GUCY2D: variants seen among roughly 807,000 people sequenced by gnomAD.
GUCY2D encodes the protein retinal guanylyl cyclase 1.
GUCY2D carries 70 observed loss-of-function variants against 101.3 expected under a neutral mutation model. The observed-to-expected ratio is 0.69, with a 90% CI of 0.57 to 0.84. The LOEUF (loss-of-function observed/expected upper bound fraction) is 0.84, where lower values mean the gene tolerates loss of function less well. Ranked by LOEUF, GUCY2D falls within the 40% of genes least tolerant of loss-of-function variation. The pLI, the probability that GUCY2D is intolerant of heterozygous loss-of-function variation, is 0.00. For missense variants in GUCY2D, 1,460 were observed against 1,542.5 expected (o/e 0.95, Z 0.90); for synonymous variants, 688 against 670.7 (o/e 1.03, Z -0.40).
intron 3 of GUCY2D, among the ~76,000 whole-genome samples, chr17:8,005,354 T>C (rs944147481): frequency 3.9e-5 from 6 of 152,202 alleles, no homozygotes; most frequent in African/African-American, 1.4e-4. Context: ...TCTCACCCTG[T>C]CATGCCCCTG....
rs748509676 is a variant in GUCY2D at position 8,008,011 on chromosome 17, C to A, written c.1647C>A (p.Ser549Arg). 7 of 1,611,124 alleles carry A rather than the reference C, an allele frequency of 4.3e-6. No homozygotes were observed. Among genetic ancestry groups the A allele is most frequent in the Non-Finnish European group, 5.9e-6 (7 of 1,177,404 alleles). ...GCGGCCCCAGCCAACACTTGGACAG[C>A]CCCAACATTGGTGTCTATGAGGTGA... is the stretch of plus-strand genomic sequence containing the variant. ...IRSGPSQHLD[S>R]PNIGVYEGDR... The change falls in exon 7 of 20, where the codon AGC (serine) becomes AGA (arginine). Residue 549 changes from serine to arginine, a missense_variant. Around this residue, in one of 3 missense-constraint regions of GUCY2D, gnomAD observed 1,196 missense variants for 1,229.6 expected, o/e 0.97. Transcript: ENST00000254854.
Position 8,012,359 on chromosome 17 carries a change from C to G in GUCY2D, c.1956+9C>G. On this transcript the variant is annotated intron_variant, in intron 9 of 19. Transcript: ENST00000254854. Reference sequence around the variant, plus strand: ...TGCTGGACCTTATCAAGGTGTGTGTCTGGGGGTGGTGGGGTGACGTCCTGG... The same window carrying G: ...TGCTGGACCTTATCAAGGTGTGTGTGTGGGGGTGGTGGGGTGACGTCCTGG... The G allele has an allele frequency of 6.3e-7, 1 of 1,585,656 alleles. No individual in the cohort carries two copies. The highest frequency in any genetic ancestry group is 8.6e-7 in the Non-Finnish European group (1 of 1,158,732).
rs779286579 is a variant in GUCY2D, at chr17:8,016,196, T to G, written c.3139-9T>G. 3 of 1,569,518 alleles carry G rather than the reference T, an allele frequency of 1.9e-6. No individual in the cohort carries two copies. The highest frequency in any genetic ancestry group is 1.3e-5 in the African/African-American group (1 of 74,370). On this transcript the variant is annotated splice_polypyrimidine_tract_variant and intron_variant, in intron 17 of 19. Transcript: ENST00000254854. Reference sequence around the variant, plus strand: ...CGCCTAAGTCCTTCCCTCTCCCATGTCTCCCCAGGGCAAGGGCGCCGAGGA... The same window carrying G: ...CGCCTAAGTCCTTCCCTCTCCCATGGCTCCCCAGGGCAAGGGCGCCGAGGA...
rs1247045218 is a variant in GUCY2D at position 8,003,180 on chromosome 17, C to A, written c.133C>A (p.Leu45Met). Residue 45 changes from leucine to methionine, a missense_variant, in exon 2 of 20, where the codon CTG becomes ATG. Physicochemically the swap from Leu to Met is conservative, Grantham distance 15. Transcript: ENST00000254854. ...RLPLLLLLLL[L>M]QPPALSAVFT... is the part of the protein sequence containing the mutation. ...CCCGCTCCTGCTGCTCCTGCTTCTGCTGCAGCCCCCCGCCCTCTCCGCCGT... is the reference window on the plus strand; with the variant it reads ...CCCGCTCCTGCTGCTCCTGCTTCTGATGCAGCCCCCCGCCCTCTCCGCCGT... 6.6e-7 allele frequency: 1 copy of A among 1,514,316 alleles called. No individual in the cohort carries two copies. Among genetic ancestry groups the A allele is most frequent in the Admixed American group, 2.1e-5 (1 of 48,714 alleles). 93.8% of individuals were successfully genotyped at this position (1,514,316 alleles called of 1,614,324 possible). A position where few individuals can be genotyped will look rare whatever the true frequency, so the allele number is the denominator to read the frequency against.
At position 8,014,552 on chromosome 17, in the gene GUCY2D, A is replaced by G. The variant is rs767214355; in HGVS notation, c.2413-49A>G. The G allele has an allele frequency of 3.8e-6, 6 of 1,595,796 alleles. No individual in the cohort carries two copies. In the South Asian group the frequency reaches 6.6e-5, roughly 18 times the overall value. ...CCCATGAGGGGGGCATAAAGAGGGCATGGCAACCCAGGTCTTCAGCAGCTT... is the reference window on the plus strand; with the variant it reads ...CCCATGAGGGGGGCATAAAGAGGGCGTGGCAACCCAGGTCTTCAGCAGCTT... On this transcript the variant is annotated intron_variant, in intron 12 of 19. Coordinates refer to ENST00000254854, the MANE Select transcript of GUCY2D (RefSeq NM_000180.4). This position sits in a 1 kb window ranked among gnomAD's most constrained non-coding sequence, Gnocchi z 4.0.
chr17:8,015,405 C>G lies in GUCY2D; in HGVS notation c.2847C>G (p.Ile949Met). The G allele has an allele frequency of 6.2e-7, 1 of 1,613,656 alleles. No homozygotes were observed. The highest frequency in any genetic ancestry group is 8.5e-7 in the Non-Finnish European group (1 of 1,179,898). ...QRNGQRHAAE[I>M]ANMSLDILSA... ...ATGGGCAGCGACACGCGGCAGAGAT[C>G]GCCAACATGTCACTGGACATCCTCA... Residue 949 changes from isoleucine (I) to methionine (M), a missense_variant, in exon 15 of 20, where the codon ATC (isoleucine) becomes ATG (methionine). Ile to Met is a conservative substitution (Grantham distance 10, BLOSUM62 1). Coordinates refer to ENST00000254854, the MANE Select transcript of GUCY2D (RefSeq NM_000180.4).
At position 8,014,595 on chromosome 17, in the gene GUCY2D, T is replaced by C. The variant is rs1054794686; in HGVS notation, c.2413-6T>C. ...AGCAGCTTTACCAGCTTCCTTCTAC[T>C]GCTAGTTCAAGAACATCAACAAGGG... is the stretch of plus-strand genomic sequence containing the variant. On this transcript the variant is annotated splice_polypyrimidine_tract_variant and splice_region_variant and intron_variant, in intron 12 of 19. Coordinates refer to ENST00000254854, the MANE Select transcript of GUCY2D (RefSeq NM_000180.4). This position sits in a 1 kb window ranked among gnomAD's most constrained non-coding sequence, Gnocchi z 4.0. 2.5e-6 allele frequency: 4 copies of C among 1,614,076 alleles called. No homozygotes were observed. Among genetic ancestry groups the C allele is most frequent in the East Asian group, 2.2e-5 (1 of 44,882 alleles).
chr17:8,012,660 G>C, intron 10 of GUCY2D, 54 bp downstream of exon 10: 2 of 1,438,906 alleles, frequency 1.4e-6, no homozygotes, highest in Non-Finnish European at 2.0e-6. Flanking sequence ...TATTTCAAGG[G>C]CTTCTCCCCC....
Position 8,016,548 on chromosome 17 carries a change from C to G in GUCY2D, c.*18C>G, listed in dbSNP as rs1270625187. 3 of 1,494,564 alleles carry G rather than the reference C, an allele frequency of 2.0e-6. No homozygotes were observed. Among genetic ancestry groups the G allele is most frequent in the Non-Finnish European group, 2.7e-6 (3 of 1,099,258 alleles). The allele number at this position is 1,494,564 out of a possible 1,614,324, so 92.6% of individuals were successfully genotyped here. A position where few individuals can be genotyped will look rare whatever the true frequency, so the allele number is the denominator to read the frequency against. ...TCTCTTGAGAAGTGAGGCCCGGCCC[C>G]GGACAGGTACTGCCCCCTCAGCCCC... On this transcript the variant is annotated 3_prime_UTR_variant, in exon 19 of 20. Coordinates refer to ENST00000254854, the MANE Select transcript of GUCY2D (RefSeq NM_000180.4).
At chr17:8,019,918 A>C (rs1598153484) in intron 19 of GUCY2D, among the ~76,000 whole-genome samples, 1 of 152,022 alleles carries the variant, frequency 6.6e-6, no homozygotes, top group East Asian at 1.9e-4. Context: ...ATGTGTTTAC[A>C]CTACCTCTGC....
At position 8,007,726 on chromosome 17, in the gene GUCY2D, C is replaced by T. The variant is rs543329741; in HGVS notation, c.1566+198C>T. Among the ~76,000 whole-genome samples, 12 of 152,242 alleles carry T rather than the reference C, an allele frequency of 7.9e-5. No homozygotes were observed. In the South Asian group the frequency reaches 1.4e-3, roughly 18 times the overall value. ...GTACCTGTCCTGACTACTTTCCTGG[C>T]GGGGAGGTGAAGCTCCAACAAGAAA... On this transcript the variant is annotated intron_variant, in intron 6 of 19. Transcript: ENST00000254854.
rs142050758 is a variant in GUCY2D, at chr17:8,004,914, G to A, written c.1026+758G>A. The stretch of plus-strand genomic sequence containing the variant: ...GAGGATTGGAGGTGTCCAATGGAGG[G>A]GGGAGGGGTGCAGTGATGGGAATAG... On this transcript the variant is annotated intron_variant, in intron 3 of 19. Transcript: ENST00000254854. Among the ~76,000 whole-genome samples, 468 of 152,272 alleles carry A rather than the reference G, an allele frequency of 3.1e-3. 1 individual carries two copies. The highest frequency in any genetic ancestry group is 6.8e-3 in the Middle Eastern group (2 of 292).
Position 8,016,466 on chromosome 17 carries a change from T to A in GUCY2D, c.3248T>A (p.Leu1083Gln). Residue 1083 changes from leucine to glutamine, a missense_variant, in exon 19 of 20, where the codon CTG (leucine) becomes CAG (glutamine). By Grantham distance (113) the Leu-to-Gln change is moderately radical. Transcript: ENST00000254854. ...AGGTCCAGCAACCACGGCATCAGCC[T>A]GCAGGAGATCCCACCCGAGCGGCGA... Reference protein sequence around the residue: ...QPGSSNHGISLQEIPPERRRK... With the variant: ...QPGSSNHGISQQEIPPERRRK... The A allele has an allele frequency of 1.3e-6, 2 of 1,576,056 alleles. No homozygotes were observed. Among genetic ancestry groups the A allele is most frequent in the Non-Finnish European group, 1.7e-6 (2 of 1,161,248 alleles).
intron 3 of GUCY2D, among the ~76,000 whole-genome samples, chr17:8,006,016 A>G (rs1374549508): frequency 2.0e-5 from 3 of 152,216 alleles, no homozygotes; most frequent in Non-Finnish European, 4.4e-5. Context: ...GGCAACCAAC[A>G]GGAAGAAGAG....
rs759158538 is a variant in GUCY2D, at chr17:8,014,016, C to T, written c.2400C>T (p.His800=). ...CGGAACTTCGGCCCTCCATGGACCA[C>T]ACCTTCGACCTGGTCAGGGGCTGGG... is the stretch of plus-strand genomic sequence containing the variant. ...EQPELRPSMD[H]TFDLFKNINK... The change falls in exon 12 of 20, where the codon CAC becomes CAT. Residue 800 remains histidine (H), a synonymous_variant. Coordinates refer to ENST00000254854, the MANE Select transcript of GUCY2D (RefSeq NM_000180.4). This position sits in a 1 kb window ranked among gnomAD's most constrained non-coding sequence, Gnocchi z 4.0. The T allele has an allele frequency of 3.0e-5, 49 of 1,613,050 alleles. No homozygotes were observed. The South Asian group carries it at 5.2e-4, about 17-fold the overall frequency.
rs540448686 is a variant in GUCY2D at position 8,010,826 on chromosome 17, A to G, written c.1749+1240A>G. On this transcript the variant is annotated intron_variant, in intron 8 of 19. Transcript: ENST00000254854. ...TCCGTCTCAAAAAAAAAAAAAAAAA[A>G]GGAAAGGAAAGAAAAGTATCCCCTT... Among the ~76,000 whole-genome samples the G allele has an allele frequency of 5.1e-3, 757 of 149,866 alleles. 2 individuals are homozygous for G. The highest frequency in any genetic ancestry group is 7.4e-3 in the Non-Finnish European group (503 of 67,562).
chr17:8,015,302 A>C (rs1166244615), intron 14 of GUCY2D, 26 bp from the exon 15 acceptor site: 1 of 1,599,332 alleles, frequency 6.3e-7, no homozygotes, highest in Non-Finnish European at 8.5e-7. Flanking sequence ...TCAAAAGAAA[A>C]TTCACACAAC....
At chr17:8,010,229 T>C (rs919654351) in intron 8 of GUCY2D, among the ~76,000 whole-genome samples, 4 of 152,164 alleles carry the variant, frequency 2.6e-5, no homozygotes, top group Admixed American at 2.0e-4. Flanking sequence ...TGTTTGTTGA[T>C]CTAATGATAG....
rs1481027097 is a variant in GUCY2D at position 8,003,302 on chromosome 17, C to T, written c.255C>T (p.Asn85=). ...CCCGCCTGGCCGCCGCCCGCCTGAA[C>T]CGCGACCCCGGCCTGGCAGGCGGTC... is the stretch of plus-strand genomic sequence containing the variant. ...LAARLAAARL[N]RDPGLAGGPR... The change falls in exon 2 of 20, where the codon AAC becomes AAT. Residue 85 remains asparagine, a synonymous_variant. Transcript: ENST00000254854. 2.7e-6 allele frequency: 4 copies of T among 1,488,088 alleles called. No homozygotes were observed. In the African/African-American group the frequency reaches 5.9e-5, roughly 22 times the overall value. 92.2% of individuals were successfully genotyped at this position (1,488,088 alleles called of 1,614,324 possible). A position where few individuals can be genotyped will look rare whatever the true frequency, so the allele number is the denominator to read the frequency against.
Sources: gnomAD v4.1 joint callset for allele counts (sites outside exome capture counted in the v4.1 genomes callset) on GRCh38, gnomAD v4.1.1 for gene constraint, gnomAD v4.1.1 regional missense constraint, Gnocchi (gnomAD v3.1) non-coding constraint, MANE v1.5 for transcripts, NCBI Gene and HGNC (gene_info 2026-07-23, HGNC 2026-07-21) for gene names.